PTPRD: variants seen among roughly 807,000 people sequenced by gnomAD.
PTPRD encodes receptor-type tyrosine-protein phosphatase delta.
PTPRD carries 34 observed loss-of-function variants against 214.5 expected under a neutral mutation model. That is an observed-to-expected ratio of 0.16 (90% CI 0.12 to 0.21). The LOEUF is 0.21. Among genes scored for constraint, PTPRD ranks in the 10% least tolerant of loss-of-function variants. PTPRD has a pLI of 1.00. For missense variants in PTPRD, 2,545 were observed against 2,398.7 expected (o/e 1.06, Z -1.27); for synonymous variants, 1,128 against 845.7 (o/e 1.33, Z -5.79).
At chr9:10,398,455 T>C (rs2154494515) in intron 2 of PTPRD, among the ~76,000 whole-genome samples, 1 of 151,968 alleles carries the variant, frequency 6.6e-6, no homozygotes, top group Non-Finnish European at 1.5e-5. Context: ...CCCATAACCA[T>C]GAGAAAAACA....
chr9:10,121,924 A>T (rs1264451559), intron 3 of PTPRD, among the ~76,000 whole-genome samples: 1 of 152,144 alleles, frequency 6.6e-6, no homozygotes, highest in Non-Finnish European at 1.5e-5. Flanking sequence ...TTCCTGCAAT[A>T]CCAACTCATG....
intron 5 of PTPRD, among the ~76,000 whole-genome samples, chr9:9,863,705 T>C (rs895004106): frequency 2.6e-5 from 4 of 152,112 alleles, no homozygotes; most frequent in South Asian, 4.1e-4. Context: ...GAGAGGGCTA[T>C]TGGAGATGAA....
At chr9:10,241,567 A>C (rs2091056737) in intron 3 of PTPRD, among the ~76,000 whole-genome samples, 1 of 152,006 alleles carries the variant, frequency 6.6e-6, no homozygotes, top group Non-Finnish European at 1.5e-5. Context: ...AATTCAAATA[A>C]TGATAACTAC....
At position 10,029,838 on chromosome 9, in the gene PTPRD, T is replaced by C. The variant is rs544777960; in HGVS notation, c.-472+3880A>G. Among the ~76,000 whole-genome samples, 3 of 152,188 alleles carry C rather than the reference T, an allele frequency of 2.0e-5. No individual in the cohort carries two copies. The South Asian group carries it at 6.2e-4, about 32-fold the overall frequency. On this transcript the variant is annotated intron_variant, in intron 4 of 45. Transcript: ENST00000381196. ...GGTTTTGAAATATGAGAACATAAGA[T>C]TTGGGAGGGGCCAGGGACAGAAAGA... is the stretch of plus-strand genomic sequence containing the variant.
chr9:8,919,639 G>A (rs2098811177), intron 11 of PTPRD, among the ~76,000 whole-genome samples: 2 of 152,054 alleles, frequency 1.3e-5, no homozygotes, highest in South Asian at 4.1e-4. Context: ...TTCATCTTAG[G>A]TATAATCACA....
At chr9:9,510,437 T>C (rs190245596) in intron 8 of PTPRD, among the ~76,000 whole-genome samples, 2 of 151,760 alleles carry the variant, frequency 1.3e-5, no homozygotes, top group Admixed American at 6.6e-5. Flanking sequence ...TTACGAAACA[T>C]AGATTTCTTA....
chr9:8,525,621 G>T (rs2073898693), intron 17 of PTPRD, among the ~76,000 whole-genome samples: 1 of 152,144 alleles, frequency 6.6e-6, no homozygotes, highest in Non-Finnish European at 1.5e-5. Flanking sequence ...AAGAAAGACA[G>T]TTTTCCACGA....
chr9:10,554,511 T>G (rs533473798), intron 2 of PTPRD, among the ~76,000 whole-genome samples: 2 of 152,240 alleles, frequency 1.3e-5, no homozygotes, highest in East Asian at 3.9e-4. Context: ...TTATCCACAG[T>G]TTTTTCTTTA....
intron 3 of PTPRD, among the ~76,000 whole-genome samples, chr9:10,271,533 T>C (rs1564921060): frequency 1.1e-5 from 1 of 92,512 alleles, no homozygotes; most frequent in Non-Finnish European, 2.8e-5. Flanking sequence ...TTCAATTGTT[T>C]CTTTTCTTTT....
intron 11 of PTPRD, among the ~76,000 whole-genome samples, chr9:8,884,143 C>T (rs1247620911): frequency 1.3e-5 from 2 of 152,316 alleles, no homozygotes; most frequent in Admixed American, 6.5e-5. Context: ...CTGCAGTAAA[C>T]GCAGTACTTA....
chr9:9,565,285 AT>A (rs1160035928), intron 8 of PTPRD, among the ~76,000 whole-genome samples: 1 of 151,790 alleles, frequency 6.6e-6, no homozygotes, highest in Non-Finnish European at 1.5e-5. Context: ...GAATTTTCTG[AT>A]CTGAAAAAAT....
chr9:9,061,608 A>C (rs1191342004), intron 10 of PTPRD, among the ~76,000 whole-genome samples: 3 of 152,146 alleles, frequency 2.0e-5, no homozygotes, highest in Non-Finnish European at 2.9e-5. Context: ...TACCCCTAAA[A>C]ATGTAAGTGG....
At chr9:10,350,504 C>A (rs1348566413) in intron 2 of PTPRD, among the ~76,000 whole-genome samples, 1 of 152,034 alleles carries the variant, frequency 6.6e-6, no homozygotes, top group Non-Finnish European at 1.5e-5. Flanking sequence ...AGTCTCTCTG[C>A]TAAGCTTTTT....
rs796080761 is a variant in PTPRD, at chr9:8,314,547, C to T, written c.*3327G>A. The T allele has an allele frequency of 1.2e-4, 27 of 232,198 alleles. No homozygotes were observed. The highest frequency in any genetic ancestry group is 6.0e-4 in the African/African-American group (27 of 45,362). The allele number at this position is 232,198 out of a possible 1,614,324, so 14.4% of individuals were successfully genotyped here. A position where few individuals can be genotyped will look rare whatever the true frequency, so the allele number is the denominator to read the frequency against. ...ACTCCAAGCTGGGATGGCAAAGCCACATAACGGATGGATAGAATGGATCTG... is the reference window on the plus strand; with the variant it reads ...ACTCCAAGCTGGGATGGCAAAGCCATATAACGGATGGATAGAATGGATCTG... On this transcript the variant is annotated 3_prime_UTR_variant, in exon 46 of 46. Coordinates refer to ENST00000381196, the MANE Select transcript of PTPRD (RefSeq NM_002839.4).
chr9:10,477,845 C>A (rs573518975), intron 2 of PTPRD, among the ~76,000 whole-genome samples: 1 of 152,036 alleles, frequency 6.6e-6, no homozygotes, highest in East Asian at 1.9e-4. Flanking sequence ...ATGGATGAAG[C>A]TGGAAACCAT....
intron 11 of PTPRD, among the ~76,000 whole-genome samples, chr9:8,808,930 C>G (rs1231053299): frequency 1.3e-5 from 2 of 151,940 alleles, no homozygotes; most frequent in Non-Finnish European, 2.9e-5. Flanking sequence ...TTCCTGATCA[C>G]AAAGATGAAA....
At chr9:8,487,473 T>C (rs538110696) in intron 27 of PTPRD, among the ~76,000 whole-genome samples, 2 of 152,246 alleles carry the variant, frequency 1.3e-5, no homozygotes, top group Admixed American at 6.5e-5. Context: ...CTCATGTCTA[T>C]AATCCCAGCA....
At chr9:8,407,351 T>A (rs916320244) in intron 35 of PTPRD, among the ~76,000 whole-genome samples, 1 of 152,158 alleles carries the variant, frequency 6.6e-6, no homozygotes, top group Non-Finnish European at 1.5e-5. Flanking sequence ...TAAAGAAAGA[T>A]TAATTTAATT....
intron 2 of PTPRD, among the ~76,000 whole-genome samples, chr9:10,353,790 G>T (rs1489877821): frequency 6.6e-6 from 1 of 151,754 alleles, no homozygotes; most frequent in Admixed American, 6.6e-5. Flanking sequence ...CAAAAAAAAG[G>T]CGTTGGAATA....
Sources: gnomAD v4.1 joint callset for allele counts (sites outside exome capture counted in the v4.1 genomes callset) on GRCh38, gnomAD v4.1.1 for gene constraint, MANE v1.5 for transcripts, NCBI Gene and HGNC (gene_info 2026-07-23, HGNC 2026-07-21) for gene names.